CSMD1: variants seen among roughly 807,000 people sequenced by gnomAD.
CSMD1 encodes CUB and sushi domain-containing protein 1.
A neutral mutation model predicts 417.5 loss-of-function variants in CSMD1; 213 were observed. The observed-to-expected ratio is 0.51, with a 90% CI of 0.46 to 0.57. The LOEUF is 0.57. CSMD1 is among the 20% of genes least tolerant of loss of function. The pLI, the probability that CSMD1 is intolerant of heterozygous loss-of-function variation, is 0.00. For missense variants in CSMD1, 6,923 were observed against 4,529.7 expected (o/e 1.53, Z -15.17); for synonymous variants, 2,862 against 1,736.8 (o/e 1.65, Z -16.11).
chr8:4,228,619 C>T (rs1165191463), intron 3 of CSMD1, among the ~76,000 whole-genome samples: 1 of 149,620 alleles, frequency 6.7e-6, no homozygotes, highest in Admixed American at 6.6e-5. Context: ...ACCCTCACTT[C>T]CCAAGTAACT....
In CSMD1 at chr8:3,972,357, T is replaced by C. The variant is rs143782845; in HGVS notation, c.818+25546A>G. On this transcript the variant is annotated intron_variant, in intron 5 of 69. Coordinates refer to ENST00000635120, the MANE Select transcript of CSMD1 (RefSeq NM_033225.6). The stretch of plus-strand genomic sequence containing the variant: ...CACTTTTTCTCAAAATATCATTTAA[T>C]TTTTGCTAAAGCTCTTTTTTCTTTA... Among the ~76,000 whole-genome samples, 457 of 152,340 alleles carry C rather than the reference T, an allele frequency of 3.0e-3. 2 individuals carry two copies. Among genetic ancestry groups the C allele is most frequent in the African/African-American group, 0.01 (432 of 41,582 alleles).
chr8:4,261,223 A>G (rs1803856191), intron 3 of CSMD1, among the ~76,000 whole-genome samples: 1 of 152,226 alleles, frequency 6.6e-6, no homozygotes, highest in Admixed American at 6.5e-5. Flanking sequence ...AGGACCAGCC[A>G]TTCCTGAATC....
chr8:3,874,654 C>T lies in CSMD1; in HGVS notation c.819-120612G>A, dbSNP rs116474935. 2.1e-3 allele frequency among the ~76,000 whole-genome samples: 326 copies of T among 152,168 alleles called. 2 individuals carry two copies. The highest frequency in any genetic ancestry group is 7.6e-3 in the African/African-American group (316 of 41,532). On this transcript the variant is annotated intron_variant, in intron 5 of 69. Coordinates refer to ENST00000635120, the MANE Select transcript of CSMD1 (RefSeq NM_033225.6). ...GTTTTTTGGTTTCCAAAAGAAGCTG[C>T]CATGTTTTTCTCTGTGGATGATGAA...
intron 5 of CSMD1, among the ~76,000 whole-genome samples, chr8:3,850,571 T>C (rs1418973295): frequency 1.3e-5 from 2 of 152,158 alleles, no homozygotes; most frequent in Non-Finnish European, 2.9e-5. Context: ...GGCTCTCACC[T>C]GTTTTCCCAG....
Position 2,975,352 on chromosome 8 carries a change from A to G in CSMD1, c.8567-728T>C, listed in dbSNP as rs1804826942. Among the ~76,000 whole-genome samples, 3 of 152,208 alleles carry G rather than the reference A, an allele frequency of 2.0e-5. No individual in the cohort carries two copies. The South Asian group carries it at 6.2e-4, about 31-fold the overall frequency. Reference sequence around the variant, plus strand: ...TTTTTCCTTTACTGTACAGTATCAAATGAGGGCTAGCAATGGACAAATTTT... The same window carrying G: ...TTTTTCCTTTACTGTACAGTATCAAGTGAGGGCTAGCAATGGACAAATTTT... On this transcript the variant is annotated intron_variant, in intron 55 of 69. Transcript: ENST00000635120.
At chr8:4,937,696 G>A (rs1003982707) in intron 1 of CSMD1, among the ~76,000 whole-genome samples, 5 of 152,036 alleles carry the variant, frequency 3.3e-5, no homozygotes, top group Admixed American at 1.3e-4. Flanking sequence ...TTTCTTTAGG[G>A]GTATGAACGA....
intron 3 of CSMD1, among the ~76,000 whole-genome samples, chr8:4,204,756 T>C (rs540918428): frequency 2.4e-4 from 36 of 152,186 alleles, no homozygotes; most frequent in African/African-American, 7.9e-4. Flanking sequence ...CCAGCCTCAA[T>C]CAATCCTCCT....
chr8:4,173,733 T>A (rs946109914), intron 3 of CSMD1, among the ~76,000 whole-genome samples: 52 of 152,104 alleles, frequency 3.4e-4, no homozygotes, highest in African/African-American at 9.2e-4. Flanking sequence ...AAATTTTTTG[T>A]CATTAATAAA....
intron 10 of CSMD1, among the ~76,000 whole-genome samples, chr8:3,511,788 A>T (rs989675140): frequency 2.7e-5 from 4 of 150,596 alleles, no homozygotes; most frequent in Admixed American, 6.6e-5. Context: ...ATAACATAAC[A>T]TAACATAACA....
intron 1 of CSMD1, among the ~76,000 whole-genome samples, chr8:4,828,909 G>C (rs1437917885): frequency 2.6e-5 from 4 of 152,080 alleles, no homozygotes; most frequent in African/African-American, 4.8e-5. Flanking sequence ...AGTACTTAAT[G>C]TGTTCATAAA....
At chr8:3,457,815 T>G (rs1344277489) in intron 12 of CSMD1, among the ~76,000 whole-genome samples, 1 of 152,202 alleles carries the variant, frequency 6.6e-6, no homozygotes, top group African/African-American at 2.4e-5. Flanking sequence ...AGTGGGTCCT[T>G]GTTGTATCCG....
At chr8:3,442,368 T>A (rs960341141) in intron 12 of CSMD1, among the ~76,000 whole-genome samples, 2 of 152,182 alleles carry the variant, frequency 1.3e-5, no homozygotes, top group Non-Finnish European at 2.9e-5. Context: ...ACTCACTCAC[T>A]GACTCACCCA....
chr8:3,615,042 A>C (rs1488797708), intron 8 of CSMD1, among the ~76,000 whole-genome samples: 1 of 152,312 alleles, frequency 6.6e-6, no homozygotes, highest in South Asian at 2.1e-4. Flanking sequence ...CTTTGTTTTC[A>C]AAAGAGATAA....
intron 7 of CSMD1, among the ~76,000 whole-genome samples, chr8:3,663,841 G>A (rs894785955): frequency 6.6e-6 from 1 of 152,112 alleles, no homozygotes; most frequent in Admixed American, 6.5e-5. Flanking sequence ...CCGGGGGCAC[G>A]TGTTATCAGG....
chr8:4,695,849 C>T (rs1012147701), intron 1 of CSMD1, among the ~76,000 whole-genome samples: 1 of 152,226 alleles, frequency 6.6e-6, no homozygotes, highest in African/African-American at 2.4e-5. Context: ...AGAGGATCAT[C>T]TAGACTGGTG....
chr8:4,027,789 A>G (rs1797139711), intron 4 of CSMD1, among the ~76,000 whole-genome samples: 1 of 152,176 alleles, frequency 6.6e-6, no homozygotes, highest in Non-Finnish European at 1.5e-5. Flanking sequence ...TAAAGGCAGA[A>G]ATGGAAGTAA....
intron 8 of CSMD1, among the ~76,000 whole-genome samples, chr8:3,616,305 G>A (rs747746342): frequency 1.3e-5 from 2 of 152,008 alleles, no homozygotes; most frequent in Non-Finnish European, 2.9e-5. Context: ...GAGATCTGAT[G>A]GTTTTTTAAG....
intron 3 of CSMD1, among the ~76,000 whole-genome samples, chr8:4,072,928 T>A (rs1044264533): frequency 1.7e-4 from 26 of 152,316 alleles, no homozygotes; most frequent in South Asian, 8.3e-4. Context: ...TATTACCACT[T>A]AGAACATTCT....
At chr8:4,565,693 C>A (rs963477727) in intron 2 of CSMD1, among the ~76,000 whole-genome samples, 1 of 147,318 alleles carries the variant, frequency 6.8e-6, no homozygotes, top group East Asian at 2.0e-4. Context: ...TGGGATTGTG[C>A]CATTGCACTC....
Sources: gnomAD v4.1 joint callset for allele counts (sites outside exome capture counted in the v4.1 genomes callset) on GRCh38, gnomAD v4.1.1 for gene constraint, MANE v1.5 for transcripts, NCBI Gene and HGNC (gene_info 2026-07-23, HGNC 2026-07-21) for gene names.